Variants in DNAJC6 observed in about 807,000 individuals in gnomAD.
The protein encoded by DNAJC6 is DnaJ heat shock protein family (Hsp40) member C6.
In DNAJC6, 34 loss-of-function variants were observed where a neutral mutation model predicts 110.0. The observed-to-expected ratio is 0.31, with a 90% CI of 0.24 to 0.41. DNAJC6 has a LOEUF of 0.41. Among genes scored for constraint, DNAJC6 ranks in the 10% least tolerant of loss-of-function variants. The pLI is 1.00. For synonymous variants in DNAJC6, 406 were observed against 437.2 expected (o/e 0.93, Z 0.89); for missense variants, 1,031 against 1,207.8 (o/e 0.85, Z 2.17).
At position 65,290,978 on chromosome 1, in the gene DNAJC6, A is replaced by C. The variant is rs180762877; in HGVS notation, c.-131+26046A>C. 1.6e-3 allele frequency among the ~76,000 whole-genome samples: 241 copies of C among 152,390 alleles called. 1 individual carries two copies. The highest frequency in any genetic ancestry group is 2.3e-3 in the Non-Finnish European group (159 of 68,046). ...ATTCTTTAAAAGTTCAGCAAAAACA[A>C]TAAAATCCCAAATATCTAGATAAAG... is the stretch of plus-strand genomic sequence containing the variant. On this transcript the variant is annotated intron_variant, in intron 1 of 19. Coordinates refer to the DNAJC6 transcript ENST00000263441.
intron 1 of DNAJC6, among the ~76,000 whole-genome samples, chr1:65,302,781 C>T (rs369479354): frequency 4.6e-5 from 7 of 151,238 alleles, no homozygotes; most frequent in African/African-American, 9.7e-5. Flanking sequence ...ATGATCCACC[C>T]GCCTCGGCCT....
At chr1:65,364,350 C>T (rs1286950436) in intron 1 of DNAJC6, among the ~76,000 whole-genome samples, 1 of 151,910 alleles carries the variant, frequency 6.6e-6, no homozygotes, top group Non-Finnish European at 1.5e-5. Context: ...TGAGACTAGC[C>T]ATATTTCAGG....
At chr1:65,386,497 A>G (rs938228932) in intron 7 of DNAJC6, among the ~76,000 whole-genome samples, 8 of 152,176 alleles carry the variant, frequency 5.3e-5, no homozygotes, top group Admixed American at 1.3e-4. Flanking sequence ...TTTAGTATTA[A>G]TTTAAAGTTA....
intron 5 of DNAJC6, among the ~76,000 whole-genome samples, chr1:65,382,852 G>A (rs546792975): frequency 1.3e-5 from 2 of 152,306 alleles, no homozygotes; most frequent in African/African-American, 4.8e-5. Context: ...AATTTGTTTA[G>A]AAGAAATGTG....
intron 1 of DNAJC6, among the ~76,000 whole-genome samples, chr1:65,290,061 C>T (rs1295990012): frequency 1.3e-5 from 2 of 152,074 alleles, no homozygotes; most frequent in African/African-American, 4.8e-5. Context: ...CCACCCGCCT[C>T]GGCCTCCCAA....
intron 17 of DNAJC6, among the ~76,000 whole-genome samples, chr1:65,409,283 C>CA (rs1557568541): frequency 1.3e-5 from 2 of 152,152 alleles, no homozygotes; most frequent in Admixed American, 6.5e-5. Flanking sequence ...TTCTGGTGGC[C>CA]ACTCTATTTC....
chr1:65,364,471 C>T (rs1213886322), intron 1 of DNAJC6, among the ~76,000 whole-genome samples, 164 bp from the exon 2 acceptor site: 2 of 152,120 alleles, frequency 1.3e-5, no homozygotes, highest in African/African-American at 4.8e-5. Flanking sequence ...AATGCTATAA[C>T]TCAGAGTCTA....
At chr1:65,381,406 A>C (rs1645820995) in intron 5 of DNAJC6, among the ~76,000 whole-genome samples, 1 of 151,842 alleles carries the variant, frequency 6.6e-6, no homozygotes, top group Admixed American at 6.6e-5. Context: ...AAAGTTAGCC[A>C]GGTGTGGTGC....
In DNAJC6 at chr1:65,406,338, CTT is replaced by C. The variant is rs35006501; in HGVS notation, c.2491+208_2491+209del. ...GCTCCTAGGTTGACTATGCTCCTAACTTTTATACCATTTTGTGACCGTGGGCT... is the reference window on the plus strand; with the variant it reads ...GCTCCTAGGTTGACTATGCTCCTAACTTATACCATTTTGTGACCGTGGGCT... On this transcript the variant is annotated intron_variant, in intron 16 of 18. Coordinates refer to ENST00000371069, the MANE Select transcript of DNAJC6 (RefSeq NM_001256864.2). Among the ~76,000 whole-genome samples the C allele has an allele frequency of 0.4, 60,410 of 151,566 alleles. 12,814 individuals carry two copies. The highest frequency in any genetic ancestry group is 0.74 in the East Asian group (3,761 of 5,098).
intron 18 of DNAJC6, among the ~76,000 whole-genome samples, 199 bp downstream of exon 18, chr1:65,411,625 G>A (rs1339641880): frequency 6.6e-6 from 1 of 152,090 alleles, no homozygotes; most frequent in African/African-American, 2.4e-5. Context: ...TATTACAGGG[G>A]CTTATTTAGA....
upstream of DNAJC6, among the ~76,000 whole-genome samples, chr1:65,309,226 C>A (rs1046301047): frequency 6.6e-6 from 1 of 151,968 alleles, no homozygotes; most frequent in Non-Finnish European, 1.5e-5. Flanking sequence ...CACACCCTCC[C>A]AACCCACGTC....
chr1:65,373,392 C>T (rs539312607), intron 4 of DNAJC6, among the ~76,000 whole-genome samples: 1 of 152,240 alleles, frequency 6.6e-6, no homozygotes, highest in African/African-American at 2.4e-5. Context: ...AATTTACCTT[C>T]CCACCTACAT....
At chr1:65,372,276 A>G (rs1161324231) in intron 4 of DNAJC6, among the ~76,000 whole-genome samples, 7 of 152,040 alleles carry the variant, frequency 4.6e-5, no homozygotes, top group African/African-American at 1.7e-4. Flanking sequence ...AAAAAACCCA[A>G]TAAAATGGGT....
intron 1 of DNAJC6, among the ~76,000 whole-genome samples, chr1:65,316,881 C>T (rs374394805): frequency 2.0e-5 from 3 of 151,242 alleles, no homozygotes; most frequent in Admixed American, 6.6e-5. Context: ...TGTGCTTTTT[C>T]GACCAACAAA....
At chr1:65,407,218 C>T (rs932305255) in intron 16 of DNAJC6, among the ~76,000 whole-genome samples, 1 of 152,104 alleles carries the variant, frequency 6.6e-6, no homozygotes, top group African/African-American at 2.4e-5. Flanking sequence ...TCTCTACCCA[C>T]CCATTACTTA....
intron 1 of DNAJC6, among the ~76,000 whole-genome samples, chr1:65,350,908 T>C (rs1645484676): frequency 6.6e-6 from 1 of 152,190 alleles, no homozygotes; most frequent in African/African-American, 2.4e-5. Flanking sequence ...CATCAGGCAG[T>C]CTCTGCTGGG....
At chr1:65,410,995 A>G (rs1646123316) in intron 17 of DNAJC6, among the ~76,000 whole-genome samples, 1 of 152,184 alleles carries the variant, frequency 6.6e-6, no homozygotes, top group Admixed American at 6.5e-5. Context: ...TGGGAGAGAA[A>G]GGAATTCAAA....
chr1:65,356,995 A>G (rs1268747346), intron 1 of DNAJC6, among the ~76,000 whole-genome samples: 1 of 152,168 alleles, frequency 6.6e-6, no homozygotes, highest in Non-Finnish European at 1.5e-5. Context: ...CCATTTCTCT[A>G]ACTGCTGGGA....
At chr1:65,391,174 A>C (rs983475556) in intron 11 of DNAJC6, among the ~76,000 whole-genome samples, 3 of 152,232 alleles carry the variant, frequency 2.0e-5, no homozygotes, top group African/African-American at 7.2e-5. Flanking sequence ...GCAGTAGAAC[A>C]TATAAACAAT....
Sources: gnomAD v4.1 joint callset for allele counts (sites outside exome capture counted in the v4.1 genomes callset) on GRCh38, gnomAD v4.1.1 for gene constraint, MANE v1.5 for transcripts, NCBI Gene and HGNC (gene_info 2026-07-23, HGNC 2026-07-21) for gene names.